KRT26: variants seen among roughly 807,000 people sequenced by gnomAD.
KRT26 encodes keratin, type I cytoskeletal 26.
A neutral mutation model predicts 46.1 loss-of-function variants in KRT26; 45 were observed. The ratio of observed to expected loss-of-function variants is 0.98; its 90% confidence interval spans 0.77 to 1.25. The LOEUF is 1.25. KRT26 is among the 50% of genes most tolerant of loss of function. KRT26 has a pLI of 0.00. For missense variants in KRT26, 582 were observed against 560.1 expected (o/e 1.04, Z -0.39); for synonymous variants, 191 against 209.9 (o/e 0.91, Z 0.78).
chr17:40,766,687 C>T, intron 7 of KRT26, 21 bp from the exon 8 acceptor site: 2 of 1,559,574 alleles, frequency 1.3e-6, no homozygotes, highest in Non-Finnish European at 1.8e-6. Flanking sequence ...ATAAATAAAA[C>T]ATTAGTGGTC....
exon 7 of KRT26, chr17:40,767,620 T>A: frequency 6.2e-7 from 1 of 1,607,130 alleles, no homozygotes; most frequent in Non-Finnish European, 8.5e-7. Flanking sequence ...CAGGCCTGTA[T>A]CCTTTTGATT....
At chr17:40,771,228 A>G (rs780349817) in exon 2 of KRT26, 5 of 1,591,578 alleles carry the variant, frequency 3.1e-6, no homozygotes, top group Non-Finnish European at 4.3e-6. Flanking sequence ...AGATGGTCGC[A>G]GAAATAATCT....
chr17:40,766,277 C>T (rs79588023), exon 8 of KRT26: 10,369 of 332,722 alleles, frequency 0.031, 220 homozygotes, highest in Non-Finnish European at 0.042. Context: ...CAAAAAAGGC[C>T]CCCAAAATAA....
chr17:40,770,504 C>A, intron 2 of KRT26, 95 bp from the exon 3 acceptor site: 1 of 947,104 alleles, frequency 1.1e-6, no homozygotes, highest in South Asian at 1.7e-5. Flanking sequence ...ATATGATGTT[C>A]TGTACATACC....
At chr17:40,768,048 T>G (rs576926387) in intron 6 of KRT26, among the ~76,000 whole-genome samples, 195 of 152,330 alleles carry the variant, frequency 1.3e-3, no homozygotes, top group African/African-American at 4.2e-3. Context: ...AAAAGTTACC[T>G]ATAACATGAA....
chr17:40,767,481 A>G, intron 7 of KRT26, 105 bp downstream of exon 7: 1 of 608,738 alleles, frequency 1.6e-6, no homozygotes, highest in Non-Finnish European at 2.8e-6. Flanking sequence ...ATTCACCAGA[A>G]GTAAACTTAA....
intron 2 of KRT26, among the ~76,000 whole-genome samples, 196 bp downstream of exon 2, chr17:40,770,958 C>T (rs765171622): frequency 2.0e-5 from 3 of 152,182 alleles, no homozygotes. Flanking sequence ...TCCCAAGGTG[C>T]TGGGATTACA....
chr17:40,766,452 C>A (rs1451919271), exon 8 of KRT26: 6 of 1,330,566 alleles, frequency 4.5e-6, no homozygotes, highest in East Asian at 5.1e-5. Flanking sequence ...CAAAGGCAGC[C>A]TTTCTTTCTT....
At chr17:40,770,709 C>T (rs2038215938) in intron 2 of KRT26, among the ~76,000 whole-genome samples, 1 of 152,176 alleles carries the variant, frequency 6.6e-6, no homozygotes, top group Admixed American at 6.5e-5. Context: ...GTTTTTGAGA[C>T]AGTCTCACTC....
chr17:40,767,946 T>C (rs140212163), intron 6 of KRT26, among the ~76,000 whole-genome samples: 4 of 152,212 alleles, frequency 2.6e-5, no homozygotes, highest in Admixed American at 6.5e-5. Context: ...TTGGAGTGCC[T>C]ACCATGAAAA....
chr17:40,771,968 C>G (rs2038225897), exon 1 of KRT26: 1 of 1,614,178 alleles, frequency 6.2e-7, no homozygotes, highest in Non-Finnish European at 8.5e-7. Context: ...AGAAGAGATG[C>G]CCTCAAGAGT....
rs1020546107 is a variant in KRT26, at chr17:40,770,540, T to A, written c.525-131A>T. The A allele has an allele frequency of 3.4e-5, 22 of 644,084 alleles. No individual in the cohort carries two copies. The Admixed American group carries it at 4.4e-4, about 13-fold the overall frequency. The allele number at this position is 644,084 out of a possible 1,614,324, so 39.9% of individuals were successfully genotyped here. On this transcript the variant is annotated intron_variant, in intron 2 of 7. Transcript: ENST00000335552. Reference sequence around the variant, plus strand: ...TCTGAAGCTTCTTGCAATGGCAAACTGCTAAAATGGTTTGAGATACCTAAC... The same window carrying A: ...TCTGAAGCTTCTTGCAATGGCAAACAGCTAAAATGGTTTGAGATACCTAAC...
intron 6 of KRT26, 106 bp from the exon 7 acceptor site, chr17:40,767,759 A>T (rs2038183174): frequency 1.6e-6 from 1 of 611,230 alleles, no homozygotes; most frequent in South Asian, 2.5e-5. Context: ...TTTCAATAAG[A>T]TTCAAATTCC....
intron 5 of KRT26, among the ~76,000 whole-genome samples, chr17:40,769,368 G>A (rs1408862931): frequency 6.6e-6 from 1 of 152,084 alleles, no homozygotes; most frequent in Non-Finnish European, 1.5e-5. Context: ...TGTTGGCCTG[G>A]CTGGTCTTGA....
chr17:40,769,466 A>G (rs2038200407), intron 5 of KRT26, among the ~76,000 whole-genome samples: 1 of 152,156 alleles, frequency 6.6e-6, no homozygotes, highest in Non-Finnish European at 1.5e-5. Flanking sequence ...CGGCATGGTC[A>G]TATTTTAAAT....
chr17:40,771,294 CT>C, intron 1 of KRT26, 58 bp from the exon 2 acceptor site: 1 of 881,220 alleles, frequency 1.1e-6, no homozygotes, highest in Non-Finnish European at 1.9e-6. Flanking sequence ...AGGCTCCAGA[CT>C]TCAGTGTGAT....
exon 1 of KRT26, chr17:40,771,956 C>A: frequency 1.2e-6 from 2 of 1,614,222 alleles, no homozygotes; most frequent in Middle Eastern, 1.6e-4. Context: ...GAAGCTTCCT[C>A]CAGAAGAGAT....
exon 8 of KRT26, chr17:40,766,628 C>T: frequency 6.2e-7 from 1 of 1,612,776 alleles, no homozygotes; most frequent in Non-Finnish European, 8.5e-7. Context: ...TGATCCAGTT[C>T]CTCAACCACT....
At chr17:40,768,964 G>A (rs1157294960) in exon 6 of KRT26, 4 of 1,612,630 alleles carry the variant, frequency 2.5e-6, no homozygotes, top group Non-Finnish European at 3.4e-6. Context: ...TCATACTCCA[G>A]CTTCTGGCCT....
Sources: allele counts gnomAD v4.1 joint callset (sites outside exome capture counted in the v4.1 genomes callset), GRCh38; gene constraint gnomAD v4.1.1; transcripts MANE v1.5; gene names NCBI Gene and HGNC (gene_info 2026-07-23, HGNC 2026-07-21).